Variants in DGKH observed in about 807,000 individuals in gnomAD.
DGKH encodes the protein DAG kinase eta.
DGKH carries 90 observed loss-of-function variants against 159.3 expected under a neutral mutation model. The observed-to-expected ratio is 0.57, with a 90% CI of 0.48 to 0.67. The LOEUF is 0.67. DGKH is among the 30% of genes least tolerant of loss of function. DGKH has a pLI of 0.00. For synonymous variants in DGKH, 536 were observed against 553.8 expected (o/e 0.97, Z 0.45); for missense variants, 1,181 against 1,506.1 (o/e 0.78, Z 3.57).
chr13:42,205,912 G>A (rs1179192669), intron 20 of DGKH, 127 bp from the exon 21 acceptor site: 1 of 447,256 alleles, frequency 2.2e-6, no homozygotes, highest in Non-Finnish European at 3.7e-6. Context: ...GTAACGTGTA[G>A]AGAGCAGACA....
intron 3 of DGKH, among the ~76,000 whole-genome samples, chr13:42,132,532 C>T (rs1955309432): frequency 6.6e-6 from 1 of 152,202 alleles, no homozygotes; most frequent in Non-Finnish European, 1.5e-5. Flanking sequence ...TTTCTTGGCC[C>T]TTCAGCTGGG....
At chr13:42,124,439 A>T (rs1955131864) in intron 1 of DGKH, among the ~76,000 whole-genome samples, 1 of 152,250 alleles carries the variant, frequency 6.6e-6, no homozygotes. Flanking sequence ...ATAAAAAGGT[A>T]ATTATAGAAT....
intron 29 of DGKH, among the ~76,000 whole-genome samples, chr13:42,251,835 C>T (rs1190414229): frequency 6.6e-6 from 1 of 152,166 alleles, no homozygotes; most frequent in Non-Finnish European, 1.5e-5. Context: ...ATTACATACC[C>T]CCCACTAAAG....
chr13:42,167,060 C>T (rs568448893), intron 9 of DGKH, among the ~76,000 whole-genome samples: 1 of 152,244 alleles, frequency 6.6e-6, no homozygotes, highest in Non-Finnish European at 1.5e-5. Context: ...AGTACAGGGA[C>T]TCTCATGGCT....
intron 20 of DGKH, among the ~76,000 whole-genome samples, chr13:42,205,815 T>G (rs1056481014): frequency 6.6e-6 from 1 of 152,164 alleles, no homozygotes; most frequent in Non-Finnish European, 1.5e-5. Context: ...AGCATTTCTT[T>G]AAAAATCAGT....
At chr13:42,161,785 A>AG (rs1356615668) in intron 7 of DGKH, among the ~76,000 whole-genome samples, 1 of 151,806 alleles carries the variant, frequency 6.6e-6, no homozygotes, top group Non-Finnish European at 1.5e-5. Flanking sequence ...GCCTCTCAAA[A>AG]AAAAAAAAAG....
intron 11 of DGKH, among the ~76,000 whole-genome samples, chr13:42,169,951 G>A (rs118145045): frequency 0.01 from 1,580 of 152,286 alleles, 11 homozygotes; most frequent in Non-Finnish European, 0.018. Flanking sequence ...CTATGGATAT[G>A]TTAGTTAGCT....
intron 1 of DGKH, among the ~76,000 whole-genome samples, chr13:42,121,819 T>G (rs909530921): frequency 1.3e-5 from 2 of 152,198 alleles, no homozygotes; most frequent in Non-Finnish European, 2.9e-5. Context: ...GGAACCCAGG[T>G]TCCTGGGACA....
At position 42,209,020 on chromosome 13, in the gene DGKH, T is replaced by G. The variant is rs1957573711; in HGVS notation, c.2663T>G (p.Met888Arg). 2 of 1,612,940 alleles carry G rather than the reference T, an allele frequency of 1.2e-6. No individual in the cohort carries two copies. The highest frequency in any genetic ancestry group is 1.3e-5 in the African/African-American group (1 of 74,858). ...GAAGTTGTAGCAATATTTGATAGCA[T>G]GCAAATGGCAGTTTCAAGGGTCATT... is the stretch of plus-strand genomic sequence containing the variant. Reference protein sequence around the residue: ...ILEVVAIFDSMQMAVSRVIKL... With the variant: ...ILEVVAIFDSRQMAVSRVIKL... The change falls in exon 22 of 30, where the codon ATG becomes AGG. Residue 888 changes from methionine to arginine, a missense_variant. Met to Arg is a moderately conservative substitution (Grantham distance 91). Transcript: ENST00000337343.
chr13:42,135,491 G>GAAAAAAAAAAAAAAAA (rs757279736), intron 3 of DGKH, among the ~76,000 whole-genome samples: 3 of 69,148 alleles, frequency 4.3e-5, no homozygotes, highest in African/African-American at 1.3e-4. Context: ...CCCTGTCTCA[G>GAAAAAAAAAAAAAAAA]AAAAAAAAAA....
chr13:42,243,209 G>A (rs904776509), downstream of DGKH, among the ~76,000 whole-genome samples: 1 of 152,072 alleles, frequency 6.6e-6, no homozygotes, highest in Non-Finnish European at 1.5e-5. Context: ...TTAACCCCGG[G>A]CAACCACTTC....
At chr13:42,256,013 A>G in intron 30 of DGKH, 1 of 1,552,258 alleles carries the variant, frequency 6.4e-7, no homozygotes, top group Non-Finnish European at 8.9e-7. Context: ...TCTGATGACG[A>G]TAGCAAATAA....
downstream of DGKH, among the ~76,000 whole-genome samples, chr13:42,247,849 T>TAAAG (rs3039023): frequency 0.99 from 150,058 of 152,194 alleles, 74,000 homozygotes; most frequent in South Asian, 1. Context: ...ATTAAGGATA[T>TAAAG]AAAGAAAAAG....
intron 11 of DGKH, among the ~76,000 whole-genome samples, chr13:42,172,540 G>T (rs534022940): frequency 6.6e-6 from 1 of 152,274 alleles, no homozygotes; most frequent in Non-Finnish European, 1.5e-5. Context: ...GATACACTAG[G>T]TTCTGTTTAA....
At chr13:42,147,807 G>T (rs985016374) in intron 3 of DGKH, among the ~76,000 whole-genome samples, 12 of 152,038 alleles carry the variant, frequency 7.9e-5, no homozygotes, top group African/African-American at 2.9e-4. Context: ...CCAAAACAAT[G>T]CCCTGTGTTA....
At chr13:42,178,869 T>C (rs910835512) in intron 13 of DGKH, among the ~76,000 whole-genome samples, 1 of 152,078 alleles carries the variant, frequency 6.6e-6, no homozygotes, top group Non-Finnish European at 1.5e-5. Context: ...AGCAAAAGAA[T>C]GCATTCAAAT....
Position 42,230,131 on chromosome 13 carries a change from T to C in DGKH, c.*943T>C, listed in dbSNP as rs1958249258. The C allele has an allele frequency of 6.6e-6, 1 of 152,102 alleles. No individual in the cohort carries two copies. The highest frequency in any genetic ancestry group is 2.1e-4 in the South Asian group (1 of 4,828). The allele number at this position is 152,102 out of a possible 1,614,324, so 9.4% of individuals were successfully genotyped here. ...GCTTTCCAAACCAAAATTTCCACAT[T>C]TTGTTTCTAATTTTTAATTTCAATT... is the stretch of plus-strand genomic sequence containing the variant. On this transcript the variant is annotated 3_prime_UTR_variant, in exon 30 of 30. Coordinates refer to ENST00000337343, the MANE Select transcript of DGKH (RefSeq NM_178009.5).
chr13:42,105,975 A>G (rs1351111764), intron 1 of DGKH, among the ~76,000 whole-genome samples: 1 of 150,798 alleles, frequency 6.6e-6, no homozygotes, highest in Non-Finnish European at 1.5e-5. Context: ...CCTGATTTTT[A>G]CCTTGGAACT....
At chr13:42,106,549 C>A (rs1170607451) in intron 1 of DGKH, among the ~76,000 whole-genome samples, 1 of 152,108 alleles carries the variant, frequency 6.6e-6, no homozygotes, top group Non-Finnish European at 1.5e-5. Flanking sequence ...CTACTCTTTT[C>A]AAGACAGCTA....
Sources: allele counts gnomAD v4.1 joint callset (sites outside exome capture counted in the v4.1 genomes callset), GRCh38; gene constraint gnomAD v4.1.1; transcripts MANE v1.5; gene names NCBI Gene and HGNC (gene_info 2026-07-23, HGNC 2026-07-21).